The following SLC11A1 variants were observed in gnomAD, a reference collection of about 807,000 sequenced individuals.
The protein encoded by SLC11A1 is natural resistance-associated macrophage protein 1.
SLC11A1 carries 59 observed loss-of-function variants against 63.2 expected under a neutral mutation model. That is an observed-to-expected ratio of 0.93 (90% CI 0.76 to 1.16). The LOEUF (loss-of-function observed/expected upper bound fraction) is 1.16. Ranked by LOEUF, SLC11A1 falls within the 50% of genes most tolerant of loss-of-function variation. The pLI, the probability that SLC11A1 is intolerant of heterozygous loss-of-function variation, is 0.00. For synonymous variants in SLC11A1, 305 were observed against 307.8 expected (o/e 0.99, Z 0.09); for missense variants, 688 against 730.7 (o/e 0.94, Z 0.67).
In SLC11A1 at chr2:218,391,470, C is replaced by T; in HGVS notation, c.1139C>T (p.Thr380Ile). 2 of 1,607,720 alleles carry T rather than the reference C, an allele frequency of 1.2e-6. No individual in the cohort carries two copies. The highest frequency in any genetic ancestry group is 1.7e-6 in the Non-Finnish European group (2 of 1,177,262). ...GGGCAGAGCTCCACCATGACGGGCACCTACGCGGGACAGTTCGTGATGGAG... is the reference window on the plus strand; with the variant it reads ...GGGCAGAGCTCCACCATGACGGGCATCTACGCGGGACAGTTCGTGATGGAG... ...AAGQSSTMTGTYAGQFVMEGF... is the reference protein window; with the variant it reads ...AAGQSSTMTGIYAGQFVMEGF... The change falls in exon 11 of 15, where the codon ACC becomes ATC. Residue 380 changes from threonine (T) to isoleucine (I), a missense_variant. Thr to Ile is a moderately conservative substitution (Grantham distance 89). Coordinates refer to ENST00000233202, the MANE Select transcript of SLC11A1 (RefSeq NM_000578.4).
intron 6 of SLC11A1, among the ~76,000 whole-genome samples, 165 bp downstream of exon 6, chr2:218,387,395 G>A (rs1384680826): frequency 1.3e-5 from 2 of 152,188 alleles, no homozygotes; most frequent in African/African-American, 4.8e-5. Flanking sequence ...CTGTAACATG[G>A]GGAAATAATA....
In SLC11A1 at chr2:218,384,176, C is replaced by T. The variant is rs1574760817; in HGVS notation, c.151-67C>T. On this transcript the variant is annotated intron_variant, in intron 2 of 14. Transcript: ENST00000233202. The surrounding 1 kb of genome is among the most constrained non-coding windows in gnomAD (Gnocchi z 4.0). ...CTGTTGGGGCTCCTCTAGGGGATGG[C>T]CAAGGCCAGCTGCCACCATCCCTAT... 3 of 1,490,744 alleles carry T rather than the reference C, an allele frequency of 2.0e-6. No homozygotes were observed. The highest frequency in any genetic ancestry group is 1.8e-6 in the Non-Finnish European group (2 of 1,105,560). 92.3% of individuals were successfully genotyped at this position (1,490,744 alleles called of 1,614,324 possible). A position where few individuals can be genotyped will look rare whatever the true frequency, so the allele number is the denominator to read the frequency against.
intron 8 of SLC11A1, among the ~76,000 whole-genome samples, chr2:218,388,847 C>CA (rs1334288127): frequency 6.6e-6 from 1 of 152,110 alleles, no homozygotes; most frequent in Non-Finnish European, 1.5e-5. Flanking sequence ...CGAGGTGGCT[C>CA]ACGCCTGTAA....
chr2:218,394,131 C>T lies in SLC11A1; in HGVS notation c.1326C>T (p.Ala442=), dbSNP rs143981678. ...NVLQSLLLPF[A]VLPILTFTSM... Reference sequence around the variant, plus strand: ...GCTGCTCTCCCCAGCTCCCGTTCGCCGTGCTGCCCATCCTCACGTTCACCA... The same window carrying T: ...GCTGCTCTCCCCAGCTCCCGTTCGCTGTGCTGCCCATCCTCACGTTCACCA... The change falls in exon 13 of 15, where the codon GCC becomes GCT. Residue 442 remains alanine, a synonymous_variant. Coordinates refer to ENST00000233202, the MANE Select transcript of SLC11A1 (RefSeq NM_000578.4). The T allele has an allele frequency of 7.9e-5, 127 of 1,614,114 alleles. 1 individual carries two copies. The highest frequency in any genetic ancestry group is 4.5e-4 in the South Asian group (41 of 91,080).
chr2:218,388,124 C>G (rs1696216383), intron 8 of SLC11A1, 169 bp downstream of exon 8: 1 of 792,666 alleles, frequency 1.3e-6, no homozygotes, highest in East Asian at 2.8e-5. Context: ...AATCCCAGCA[C>G]TTTGGGAGGC....
intron 11 of SLC11A1, chr2:218,391,873 T>G: frequency 3.7e-6 from 1 of 266,748 alleles, no homozygotes; most frequent in Non-Finnish European, 7.4e-6. Flanking sequence ...TCCGCCTGCC[T>G]TGGCCTCCCA....
In SLC11A1 at chr2:218,389,984, G is replaced by T; in HGVS notation, c.910G>T (p.Ala304Ser). The change falls in exon 9 of 15, where the codon GCT (alanine) becomes TCT (serine). Residue 304 changes from alanine to serine, a missense_variant. Transcript: ENST00000233202. ...CTTTATCATCAACCTCTTTGTCATG[G>T]CTGTCTTTGGGCAGGCCTTCTACCA... ...VSFIINLFVMAVFGQAFYQKT... is the reference protein window; with the variant it reads ...VSFIINLFVMSVFGQAFYQKT... The T allele has an allele frequency of 6.2e-7, 1 of 1,613,708 alleles. No individual in the cohort carries two copies. Among genetic ancestry groups the T allele is most frequent in the Non-Finnish European group, 8.5e-7 (1 of 1,179,846 alleles).
intron 4 of SLC11A1, 78 bp downstream of exon 4, chr2:218,385,344 T>A (rs965409169): frequency 1.9e-6 from 3 of 1,579,750 alleles, no homozygotes; most frequent in Admixed American, 3.3e-5. Context: ...CACGATCAAA[T>A]AAATACATCA....
intron 1 of SLC11A1, 119 bp from the exon 2 acceptor site, chr2:218,382,841 G>A: frequency 1.6e-6 from 2 of 1,278,674 alleles, no homozygotes; most frequent in South Asian, 1.3e-5. Flanking sequence ...CCCAAGATGG[G>A]GGCCAGGGAC....
At chr2:218,388,139 G>GATA in intron 8 of SLC11A1, 184 bp downstream of exon 8, 1 of 670,818 alleles carries the variant, frequency 1.5e-6, no homozygotes, top group South Asian at 2.1e-5. Flanking sequence ...GGAGGCGGAG[G>GATA]CGGGCGGATC....
At chr2:218,388,122 C>G in intron 8 of SLC11A1, 167 bp downstream of exon 8, 1 of 820,226 alleles carries the variant, frequency 1.2e-6, no homozygotes, top group Non-Finnish European at 1.9e-6. Flanking sequence ...GTAATCCCAG[C>G]ACTTTGGGAG....
At chr2:218,385,066 C>T (rs1400702247) in intron 3 of SLC11A1, 81 bp from the exon 4 acceptor site, 3 of 1,585,848 alleles carry the variant, frequency 1.9e-6, no homozygotes, top group Non-Finnish European at 2.6e-6. Context: ...GAGGAGTATG[C>T]TTGGTTAGAG....
rs1695943758 is a variant in SLC11A1, at chr2:218,384,091, C to T, written c.151-152C>T. The T allele has an allele frequency of 1.5e-6, 1 of 674,216 alleles. No homozygotes were observed. Among genetic ancestry groups the T allele is most frequent in the Non-Finnish European group, 2.3e-6 (1 of 430,476 alleles). The allele number at this position is 674,216 out of a possible 1,614,324, so 41.8% of individuals were successfully genotyped here. A position where few individuals can be genotyped will look rare whatever the true frequency, so the allele number is the denominator to read the frequency against. ...GCTGCTTCCTCCACCCATGCCCTCC[C>T]CATCCCTTGGGTGGCAGACCCAGGA... On this transcript the variant is annotated intron_variant, in intron 2 of 14. Coordinates refer to ENST00000233202, the MANE Select transcript of SLC11A1 (RefSeq NM_000578.4). This position sits in a 1 kb window ranked among gnomAD's most constrained non-coding sequence, Gnocchi z 4.0.
Position 218,395,306 on chromosome 2 carries a change from A to C in SLC11A1, c.*271A>C. ...TGGCACTTGGGACAAAAACAAACAA[A>C]CGAAAAACATTTCAAAAGGTATTTA... On this transcript the variant is annotated 3_prime_UTR_variant, in exon 15 of 15. Coordinates refer to ENST00000233202, the MANE Select transcript of SLC11A1 (RefSeq NM_000578.4). 43 of 401,234 alleles carry C rather than the reference A, an allele frequency of 1.1e-4. No individual in the cohort carries two copies. The highest frequency in any genetic ancestry group is 1.4e-4 in the Non-Finnish European group (31 of 219,664). The allele number at this position is 401,234 out of a possible 1,614,324, so 24.9% of individuals were successfully genotyped here.
intron 8 of SLC11A1, chr2:218,388,369 CAAA>C (rs34511982): frequency 6.4e-4 from 74 of 115,624 alleles, no homozygotes; most frequent in South Asian, 4.0e-3. Flanking sequence ...GACTCTGTCT[CAAA>C]AAAAAAAAAA....
intron 11 of SLC11A1, chr2:218,391,732 C>G (rs932280115): frequency 4.4e-6 from 2 of 457,496 alleles, no homozygotes; most frequent in African/African-American, 4.0e-5. Flanking sequence ...TCAAGCTTCT[C>G]CTGCTTCAGC....
chr2:218,388,630 G>A lies in SLC11A1; in HGVS notation c.795+675G>A, dbSNP rs140444335. ...AGCCTGGCCAACATGGTGAAATCCC[G>A]TCTGTACTAAAAATACAGAAAATTA... On this transcript the variant is annotated intron_variant, in intron 8 of 14. Transcript: ENST00000233202. Among the ~76,000 whole-genome samples, 575 of 151,118 alleles carry A rather than the reference G, an allele frequency of 3.8e-3. 3 individuals are homozygous for A. The highest frequency in any genetic ancestry group is 0.013 in the African/African-American group (538 of 41,094).
chr2:218,396,103 C>G lies in SLC11A1; in HGVS notation c.*1068C>G, dbSNP rs932140140. 1 of 152,264 alleles carries G rather than the reference C, an allele frequency of 6.6e-6. No homozygotes were observed. The highest frequency in any genetic ancestry group is 2.4e-5 in the African/African-American group (1 of 41,472). 9.4% of individuals were successfully genotyped at this position (152,264 alleles called of 1,614,324 possible). On this transcript the variant is annotated 3_prime_UTR_variant, in exon 15 of 15. Transcript: ENST00000233202. ...CTCCCCCTAGGGGCAGAGACGGTCC[C>G]GACGCCCGCCATCCCGCCCCGGCCT...
Position 218,393,077 on chromosome 2 carries a change from C to G in SLC11A1, c.1261C>G (p.Leu421Val). 6.3e-7 allele frequency: 1 copy of G among 1,598,060 alleles called. No homozygotes were observed. The highest frequency in any genetic ancestry group is 8.5e-7 in the Non-Finnish European group (1 of 1,176,472). The change falls in exon 12 of 15, where the codon CTG (leucine) becomes GTG (valine). Residue 421 changes from leucine (L) to valine (V), a missense_variant. By Grantham distance (32) the Leu-to-Val change is conservative (BLOSUM62 1). Coordinates refer to ENST00000233202, the MANE Select transcript of SLC11A1 (RefSeq NM_000578.4). ...CGTGCTCGTGGCTGTCTTCCGGGAC[C>G]TGAGGGACTTGTCGGGCCTCAATGA... ...PTVLVAVFRD[L>V]RDLSGLNDLL...
Sources: allele counts gnomAD v4.1 joint callset (sites outside exome capture counted in the v4.1 genomes callset), GRCh38; gene constraint gnomAD v4.1.1; non-coding constraint Gnocchi (gnomAD v3.1); transcripts MANE v1.5; gene names NCBI Gene and HGNC (gene_info 2026-07-23, HGNC 2026-07-21).